NRG3: variants seen among roughly 807,000 people sequenced by gnomAD.
NRG3 encodes pro-neuregulin-3, membrane-bound isoform.
A neutral mutation model predicts 66.9 loss-of-function variants in NRG3; 31 were observed. The ratio of observed to expected loss-of-function variants is 0.46; its 90% CI spans 0.35 to 0.63. The LOEUF (loss-of-function observed/expected upper bound fraction) is 0.63, where lower values mean the gene tolerates loss of function less well. Ranked by LOEUF, NRG3 falls within the 20% of genes least tolerant of loss-of-function variation. NRG3 has a pLI of 0.00. For missense variants in NRG3, 910 were observed against 878.9 expected, an observed-to-expected ratio of 1.04 and a Z score of -0.45; for synonymous variants, 393 against 359.4, an observed-to-expected ratio of 1.09 and a Z score of -1.06.
chr10:81,903,723 T>G (rs1371885305), intron 1 of NRG3, among the ~76,000 whole-genome samples: 1 of 152,178 alleles, frequency 6.6e-6, no homozygotes, highest in Non-Finnish European at 1.5e-5. Context: ...CAAGCAACAG[T>G]ACAAATTGCT....
chr10:82,616,277 A>T (rs900523352), intron 2 of NRG3, among the ~76,000 whole-genome samples: 3 of 152,204 alleles, frequency 2.0e-5, no homozygotes, highest in African/African-American at 7.2e-5. Flanking sequence ...GAAGGAGGTA[A>T]AACCTTAGAT....
intron 2 of NRG3, among the ~76,000 whole-genome samples, chr10:82,737,822 C>A (rs1217725682): frequency 6.6e-6 from 1 of 152,158 alleles, no homozygotes; most frequent in Admixed American, 6.5e-5. Context: ...CCTGGCAGGG[C>A]GGCGGGGGCA....
chr10:82,293,848 TAAAAC>T (rs2079884363), intron 1 of NRG3, among the ~76,000 whole-genome samples: 1 of 152,082 alleles, frequency 6.6e-6, no homozygotes, highest in African/African-American at 2.4e-5. Flanking sequence ...ATTGAAAAAT[TAAAAC>T]AAAAAAAGAC....
At chr10:82,856,801 C>G (rs2063835696) in intron 3 of NRG3, among the ~76,000 whole-genome samples, 2 of 148,714 alleles carry the variant, frequency 1.3e-5, no homozygotes, top group Non-Finnish European at 3.0e-5. Context: ...TGTAGAAGTG[C>G]CCAGTGACAA....
At chr10:82,972,405 T>C (rs1030555459) in intron 6 of NRG3, among the ~76,000 whole-genome samples, 1 of 152,176 alleles carries the variant, frequency 6.6e-6, no homozygotes, top group African/African-American at 2.4e-5. Flanking sequence ...TCTTTGGACT[T>C]TACTTTCAAG....
At chr10:82,524,809 G>T (rs1485640164) in intron 2 of NRG3, among the ~76,000 whole-genome samples, 1 of 151,772 alleles carries the variant, frequency 6.6e-6, no homozygotes, top group Non-Finnish European at 1.5e-5. Flanking sequence ...GAAGTAATTT[G>T]TTCTATAATG....
intron 3 of NRG3, among the ~76,000 whole-genome samples, chr10:82,807,460 A>G (rs1439622697): frequency 2.6e-5 from 4 of 152,194 alleles, no homozygotes; most frequent in African/African-American, 9.7e-5. Flanking sequence ...ATGTCCACCT[A>G]TGTAAAGTTC....
At chr10:82,138,409 C>G (rs1460502601) in intron 1 of NRG3, among the ~76,000 whole-genome samples, 2 of 152,170 alleles carry the variant, frequency 1.3e-5, no homozygotes, top group African/African-American at 4.8e-5. Context: ...GACACCTCTT[C>G]TGATTAAAGC....
chr10:82,870,612 T>G (rs941820801), intron 4 of NRG3, among the ~76,000 whole-genome samples: 1 of 152,208 alleles, frequency 6.6e-6, no homozygotes, highest in East Asian at 1.9e-4. Flanking sequence ...GACAGGGTTC[T>G]GGATTTGGGT....
intron 1 of NRG3, among the ~76,000 whole-genome samples, chr10:82,239,336 A>G (rs1330910667): frequency 6.6e-6 from 1 of 152,110 alleles, no homozygotes; most frequent in Admixed American, 6.5e-5. Flanking sequence ...TTGTATTTTT[A>G]GTAGAGATGG....
At chr10:82,211,919 C>T (rs2075412730) in intron 1 of NRG3, among the ~76,000 whole-genome samples, 1 of 152,134 alleles carries the variant, frequency 6.6e-6, no homozygotes, top group Non-Finnish European at 1.5e-5. Flanking sequence ...AACCTAAATA[C>T]AGCCTCTGAA....
At chr10:82,839,662 T>G (rs1472676091) in intron 3 of NRG3, among the ~76,000 whole-genome samples, 5 of 151,772 alleles carry the variant, frequency 3.3e-5, no homozygotes, top group Non-Finnish European at 5.9e-5. Context: ...ATTTTAAAAT[T>G]TAAGTGGCTT....
intron 1 of NRG3, among the ~76,000 whole-genome samples, chr10:82,046,050 G>T (rs1283234062): frequency 7.0e-6 from 1 of 142,010 alleles, no homozygotes; most frequent in African/African-American, 2.6e-5. Flanking sequence ...TGGCAATGTG[G>T]GCTCTTTTTT....
chr10:82,430,513 AC>A (rs1564912144), intron 2 of NRG3, among the ~76,000 whole-genome samples: 1 of 152,090 alleles, frequency 6.6e-6, no homozygotes, highest in East Asian at 1.9e-4. Flanking sequence ...TGCCTTGGCC[AC>A]CCAAAGTTCT....
intron 1 of NRG3, among the ~76,000 whole-genome samples, chr10:81,914,041 TC>T (rs1309669791): frequency 2.6e-5 from 4 of 152,176 alleles, no homozygotes; most frequent in Admixed American, 2.0e-4. Flanking sequence ...GTAAGGGCTG[TC>T]CTCTGCTTCT....
At chr10:81,921,820 A>G (rs1846278716) in intron 1 of NRG3, among the ~76,000 whole-genome samples, 1 of 152,136 alleles carries the variant, frequency 6.6e-6, no homozygotes, top group Non-Finnish European at 1.5e-5. Flanking sequence ...TGGAACTCCA[A>G]TACAATTTCT....
chr10:82,550,812 G>C (rs2044256922), intron 2 of NRG3, among the ~76,000 whole-genome samples: 1 of 152,034 alleles, frequency 6.6e-6, no homozygotes, highest in African/African-American at 2.4e-5. Context: ...TAACATTCTA[G>C]GATGCTAACA....
At chr10:82,047,407 A>C (rs1229337611) in intron 1 of NRG3, among the ~76,000 whole-genome samples, 1 of 152,170 alleles carries the variant, frequency 6.6e-6, no homozygotes, top group Non-Finnish European at 1.5e-5. Flanking sequence ...ATCTCTAGGC[A>C]GAACCTCTAC....
chr10:82,865,732 A>T (rs1278188591), intron 4 of NRG3, among the ~76,000 whole-genome samples: 1 of 152,202 alleles, frequency 6.6e-6, no homozygotes, highest in East Asian at 1.9e-4. Context: ...TCTGTAAAAT[A>T]GGGATAATAA....
Sources: gnomAD v4.1 joint callset for allele counts (sites outside exome capture counted in the v4.1 genomes callset) on GRCh38, gnomAD v4.1.1 for gene constraint, MANE v1.5 for transcripts, NCBI Gene and HGNC (gene_info 2026-07-23, HGNC 2026-07-21) for gene names.